The following AGMO variants were observed in gnomAD, a reference collection of about 807,000 sequenced individuals.
The protein encoded by AGMO is glyceryl-ether monooxygenase.
A neutral mutation model predicts 60.2 loss-of-function variants in AGMO; 75 were observed. That is an observed-to-expected ratio of 1.25 (90% CI 1.03 to 1.51). AGMO has a LOEUF of 1.51. Among genes scored for constraint, AGMO ranks in the 40% most tolerant of loss-of-function variants. AGMO has a pLI of 0.00. For missense variants in AGMO, 763 were observed against 525.5 expected (o/e 1.45, Z -4.42); for synonymous variants, 261 against 177.1 (o/e 1.47, Z -3.76).
chr7:15,241,486 A>G (rs77860120), intron 12 of AGMO, among the ~76,000 whole-genome samples: 22 of 146,916 alleles, frequency 1.5e-4, no homozygotes, highest in Admixed American at 6.3e-4. Flanking sequence ...AAAAAAAAAA[A>G]AAGACTAGGG....
chr7:15,346,639 G>C (rs1681673164), intron 12 of AGMO, among the ~76,000 whole-genome samples: 1 of 149,134 alleles, frequency 6.7e-6, no homozygotes. Context: ...ATACCATAAA[G>C]AAGTTATACT....
At chr7:15,430,813 C>T (rs373925562) in intron 4 of AGMO, among the ~76,000 whole-genome samples, 192 bp downstream of exon 4, 1 of 151,268 alleles carries the variant, frequency 6.6e-6, no homozygotes, top group East Asian at 1.9e-4. Context: ...TATTGAAAAA[C>T]AGCATTTGCT....
the AGMO span, among the ~76,000 whole-genome samples, chr7:15,177,117 A>T: frequency 4.7e-5 from 7 of 148,244 alleles, no homozygotes; most frequent in East Asian, 1.2e-3. Flanking sequence ...AACATGATTT[A>T]AAAACATTTT....
intron 12 of AGMO, among the ~76,000 whole-genome samples, chr7:15,245,346 A>G (rs546818702): frequency 6.6e-6 from 1 of 152,204 alleles, no homozygotes; most frequent in Admixed American, 6.5e-5. Context: ...CCCTTTGACC[A>G]GGGGAAATGC....
chr7:15,293,155 A>G (rs568380618), intron 12 of AGMO, among the ~76,000 whole-genome samples: 77 of 152,282 alleles, frequency 5.1e-4, no homozygotes, highest in Non-Finnish European at 4.7e-4. Flanking sequence ...TACAGGCTCA[A>G]CAAAAGACAA....
chr7:15,296,052 C>A (rs1324133071), intron 12 of AGMO, among the ~76,000 whole-genome samples: 2 of 151,806 alleles, frequency 1.3e-5, no homozygotes, highest in African/African-American at 4.8e-5. Context: ...TGTTTACAAG[C>A]AAAACAAAAA....
chr7:15,163,552 G>A, the AGMO span, among the ~76,000 whole-genome samples: 2 of 151,978 alleles, frequency 1.3e-5, no homozygotes, highest in Non-Finnish European at 2.9e-5. Context: ...TTTATAGAAT[G>A]CTTTTTCTGC....
chr7:15,166,981 G>C, the AGMO span, among the ~76,000 whole-genome samples: 1 of 152,068 alleles, frequency 6.6e-6, no homozygotes, highest in African/African-American at 2.4e-5. Flanking sequence ...TAGATACTTG[G>C]AGAAAAGATA....
At chr7:15,213,565 A>G (rs1242184827) in intron 12 of AGMO, among the ~76,000 whole-genome samples, 2 of 151,936 alleles carry the variant, frequency 1.3e-5, no homozygotes, top group African/African-American at 4.8e-5. Context: ...GAACAGTAAA[A>G]AAACCCTGAA....
intron 12 of AGMO, among the ~76,000 whole-genome samples, chr7:15,310,583 G>A (rs1370988122): frequency 6.6e-6 from 1 of 151,904 alleles, no homozygotes; most frequent in Non-Finnish European, 1.5e-5. Flanking sequence ...TTAGAAATTT[G>A]GAAATTATAT....
chr7:15,314,928 G>C (rs1371164303), intron 12 of AGMO, among the ~76,000 whole-genome samples: 4 of 152,240 alleles, frequency 2.6e-5, no homozygotes, highest in African/African-American at 9.6e-5. Flanking sequence ...AGAAGGATTT[G>C]GCACATCATT....
intron 4 of AGMO, among the ~76,000 whole-genome samples, chr7:15,427,968 A>T (rs1781115775): frequency 2.1e-5 from 1 of 47,340 alleles, no homozygotes; most frequent in African/African-American, 8.1e-5. Context: ...TTTTCATAGT[A>T]ATATAGAAGA....
chr7:15,493,834 G>C (rs1025402681), intron 3 of AGMO, among the ~76,000 whole-genome samples: 2 of 152,100 alleles, frequency 1.3e-5, no homozygotes, highest in African/African-American at 4.8e-5. Flanking sequence ...ACCTTCATGT[G>C]TAATGTATGC....
chr7:15,182,274 A>G, the AGMO span, among the ~76,000 whole-genome samples: 2 of 152,278 alleles, frequency 1.3e-5, no homozygotes, highest in Admixed American at 6.5e-5. Flanking sequence ...CTGCAGATAG[A>G]CAGTGCTAAT....
At chr7:15,198,247 GAGAGAGAGACAGAGAC>G (rs1563030482), downstream of AGMO, among the ~76,000 whole-genome samples, 19 of 84,988 alleles carry the variant, frequency 2.2e-4, 1 homozygote, top group African/African-American at 9.2e-4. Flanking sequence ...GAGAGAGAGA[GAGAGAGAGACAGAGAC>G]AGAGAGAGAG....
intron 2 of AGMO, among the ~76,000 whole-genome samples, chr7:15,551,612 G>C (rs1239479775): frequency 3.3e-5 from 5 of 151,196 alleles, no homozygotes; most frequent in Non-Finnish European, 7.4e-5. Context: ...AACTTACAAG[G>C]GATGTGAAGG....
chr7:15,314,146 G>A (rs945055562), intron 12 of AGMO, among the ~76,000 whole-genome samples: 2 of 152,026 alleles, frequency 1.3e-5, no homozygotes, highest in Admixed American at 1.3e-4. Context: ...GCATGGATAA[G>A]TTGGACAAAA....
intron 3 of AGMO, among the ~76,000 whole-genome samples, chr7:15,486,858 G>A (rs1782936504): frequency 6.6e-6 from 1 of 152,112 alleles, no homozygotes; most frequent in Admixed American, 6.6e-5. Context: ...GCTTGTTTCT[G>A]CTCATTTCTG....
intron 12 of AGMO, among the ~76,000 whole-genome samples, chr7:15,211,140 A>G (rs960531234): frequency 1.3e-5 from 2 of 152,010 alleles, no homozygotes; most frequent in Non-Finnish European, 2.9e-5. Flanking sequence ...CAAGAGGTCA[A>G]TTTGATTTTG....
Sources: gnomAD v4.1 joint callset for allele counts (sites outside exome capture counted in the v4.1 genomes callset) on GRCh38, gnomAD v4.1.1 for gene constraint, MANE v1.5 for transcripts, NCBI Gene and HGNC (gene_info 2026-07-23, HGNC 2026-07-21) for gene names.